The following CPNE4 variants were observed in gnomAD, a reference collection of about 807,000 sequenced individuals.
CPNE4 encodes copine-4.
Under a neutral mutation model 67.9 loss-of-function variants are expected in CPNE4, and 25 were observed. The ratio of observed to expected loss-of-function variants is 0.37; its 90% CI spans 0.27 to 0.51. CPNE4 has a LOEUF of 0.51. Ranked by LOEUF, CPNE4 falls within the 20% of genes least tolerant of loss-of-function variation. CPNE4 has a pLI of 0.93. For missense variants in CPNE4, 464 were observed against 690.8 expected (o/e 0.67, Z 3.68); for synonymous variants, 242 against 244.9 (o/e 0.99, Z 0.11).
intron 1 of CPNE4, among the ~76,000 whole-genome samples, chr3:131,998,865 T>C (rs914329891): frequency 5.3e-5 from 8 of 152,136 alleles, no homozygotes; most frequent in African/African-American, 1.9e-4. Context: ...AGCTATTGTA[T>C]ACCATTTTGG....
chr3:131,618,566 C>A (rs1365571851), intron 7 of CPNE4, among the ~76,000 whole-genome samples: 2 of 152,244 alleles, frequency 1.3e-5, no homozygotes, highest in East Asian at 3.9e-4. Context: ...GGCTTTCTTG[C>A]AGCATTTCTA....
At chr3:131,970,246 G>C (rs1179785270) in intron 1 of CPNE4, among the ~76,000 whole-genome samples, 1 of 152,190 alleles carries the variant, frequency 6.6e-6, no homozygotes, top group Non-Finnish European at 1.5e-5. Flanking sequence ...ACTTCAGTGA[G>C]TGAAGACACA....
intron 9 of CPNE4, among the ~76,000 whole-genome samples, chr3:131,577,573 G>A (rs1937580877): frequency 6.6e-6 from 1 of 151,902 alleles, no homozygotes; most frequent in Non-Finnish European, 1.5e-5. Context: ...AACATAAAAA[G>A]GCACAGTAAA....
At chr3:131,973,332 C>A (rs556976193) in intron 1 of CPNE4, among the ~76,000 whole-genome samples, 25 of 152,172 alleles carry the variant, frequency 1.6e-4, no homozygotes, top group African/African-American at 6.0e-4. Flanking sequence ...TCCCCAGAGT[C>A]CATCTATGTA....
At chr3:131,542,498 G>A (rs1044640434) in intron 15 of CPNE4, 59 bp downstream of exon 15, 3 of 1,126,334 alleles carry the variant, frequency 2.7e-6, no homozygotes, top group Non-Finnish European at 4.1e-6. Flanking sequence ...AAATGTGGGA[G>A]GTGAGCATGC....
At chr3:131,630,207 C>A (rs1011381262) in intron 7 of CPNE4, among the ~76,000 whole-genome samples, 1 of 152,232 alleles carries the variant, frequency 6.6e-6, no homozygotes, top group African/African-American at 2.4e-5. Context: ...CGGCTAGTCC[C>A]TTAGTGGCCA....
intron 3 of CPNE4, among the ~76,000 whole-genome samples, chr3:131,712,678 G>A (rs1010014459): frequency 3.9e-5 from 6 of 152,192 alleles, no homozygotes; most frequent in African/African-American, 7.2e-5. Flanking sequence ...CAAACTGGCC[G>A]TTTGCCATAC....
rs1346815035 is a variant in CPNE4 at position 131,990,629 on chromosome 3, CT to C, written c.-2+43937del. ...CTTGGATTATTTTCATTTTCTTGAT[CT>C]TTTACAATAAAATAAATACCTGATT... On this transcript the variant is annotated intron_variant, in intron 1 of 15. Coordinates refer to ENST00000429747, the MANE Select transcript of CPNE4 (RefSeq NM_130808.3). Among the ~76,000 whole-genome samples, 2 of 135,686 alleles carry C rather than the reference CT, an allele frequency of 1.5e-5. 1 individual carries two copies. The highest frequency in any genetic ancestry group is 4.9e-5 in the African/African-American group (2 of 40,584). The allele number at this position is 135,686 out of a possible 152,430, so 89.0% of individuals were successfully genotyped here. A position where few individuals can be genotyped will look rare whatever the true frequency, so the allele number is the denominator to read the frequency against.
At chr3:131,999,278 C>T (rs1209190245) in intron 1 of CPNE4, among the ~76,000 whole-genome samples, 1 of 121,416 alleles carries the variant, frequency 8.2e-6, no homozygotes, top group East Asian at 2.3e-4. Flanking sequence ...AGCCTCTGTA[C>T]ACAAATGTGT....
chr3:131,538,149 C>T (rs1167862181), intron 15 of CPNE4, among the ~76,000 whole-genome samples: 1 of 152,216 alleles, frequency 6.6e-6, no homozygotes, highest in African/African-American at 2.4e-5. Flanking sequence ...AAAAAATATT[C>T]CTAAACCAGG....
intron 6 of CPNE4, among the ~76,000 whole-genome samples, chr3:131,674,859 G>GT (rs1213869922): frequency 3.3e-5 from 5 of 151,314 alleles, no homozygotes; most frequent in Non-Finnish European, 5.9e-5. Flanking sequence ...TAATTTTGGA[G>GT]TTTTTTGGCT....
At chr3:131,734,945 T>C (rs536913152) in intron 2 of CPNE4, among the ~76,000 whole-genome samples, 1 of 152,192 alleles carries the variant, frequency 6.6e-6, no homozygotes, top group African/African-American at 2.4e-5. Context: ...ACTCTGGCAG[T>C]TGAGGTATGA....
intron 2 of CPNE4, among the ~76,000 whole-genome samples, chr3:131,752,839 C>T (rs553582077): frequency 4.5e-4 from 68 of 151,982 alleles, no homozygotes; most frequent in African/African-American, 6.8e-4. Context: ...AACTAGTATA[C>T]GAATTTAGTG....
At chr3:131,714,579 G>A (rs1418527466) in intron 3 of CPNE4, among the ~76,000 whole-genome samples, 1 of 152,136 alleles carries the variant, frequency 6.6e-6, no homozygotes, top group Non-Finnish European at 1.5e-5. Context: ...GTAATACAGT[G>A]TCCAAGATTC....
intron 7 of CPNE4, among the ~76,000 whole-genome samples, chr3:131,626,397 C>A (rs2107768655): frequency 6.6e-6 from 1 of 152,238 alleles, no homozygotes; most frequent in East Asian, 1.9e-4. Flanking sequence ...GGTAAGAAAG[C>A]AAATGAGACT....
At chr3:131,951,827 G>A (rs560162940) in intron 1 of CPNE4, among the ~76,000 whole-genome samples, 5 of 151,932 alleles carry the variant, frequency 3.3e-5, no homozygotes, top group African/African-American at 9.7e-5. Context: ...GGCCTCCCGA[G>A]GTGCCGGGAT....
At chr3:131,743,588 A>T (rs1353291559) in intron 2 of CPNE4, among the ~76,000 whole-genome samples, 4 of 152,234 alleles carry the variant, frequency 2.6e-5, no homozygotes, top group African/African-American at 9.6e-5. Flanking sequence ...TATTCCAGTG[A>T]TGCAAAGAGA....
At chr3:131,889,064 T>C (rs1348725614) in intron 2 of CPNE4, among the ~76,000 whole-genome samples, 5 of 152,182 alleles carry the variant, frequency 3.3e-5, no homozygotes, top group Non-Finnish European at 7.3e-5. Context: ...CTCCCTTTAA[T>C]ATAAAAGTAT....
intron 1 of CPNE4, among the ~76,000 whole-genome samples, chr3:131,924,167 A>G (rs1164318894): frequency 6.6e-6 from 1 of 152,210 alleles, no homozygotes; most frequent in Non-Finnish European, 1.5e-5. Context: ...AGTATAGCTA[A>G]CGATAGCCAC....
Sources: gnomAD v4.1 joint callset for allele counts (sites outside exome capture counted in the v4.1 genomes callset) on GRCh38, gnomAD v4.1.1 for gene constraint, MANE v1.5 for transcripts, NCBI Gene and HGNC (gene_info 2026-07-23, HGNC 2026-07-21) for gene names.